MEGF11: variants seen among roughly 807,000 people sequenced by gnomAD.
The protein encoded by MEGF11 is multiple epidermal growth factor-like domains protein 11.
MEGF11 carries 126 observed loss-of-function variants against 146.6 expected under a neutral mutation model. The ratio of observed to expected loss-of-function variants is 0.86; its 90% CI spans 0.74 to 1.00. The LOEUF (loss-of-function observed/expected upper bound fraction) is 1.00. Among genes scored for constraint, MEGF11 ranks in the 50% least tolerant of loss-of-function variants. The pLI is 0.00. For synonymous variants in MEGF11, 532 were observed against 583.4 expected (o/e 0.91, Z 1.27); for missense variants, 1,509 against 1,521.2 (o/e 0.99, Z 0.13).
At chr15:66,090,571 T>C (rs1002052848) in intron 5 of MEGF11, among the ~76,000 whole-genome samples, 7 of 152,220 alleles carry the variant, frequency 4.6e-5, no homozygotes, top group African/African-American at 1.7e-4. Flanking sequence ...CATGGGGGCA[T>C]ATGTCACACA....
At chr15:66,139,574 G>T (rs1395607078) in intron 1 of MEGF11, among the ~76,000 whole-genome samples, 2 of 149,138 alleles carry the variant, frequency 1.3e-5, no homozygotes. Flanking sequence ...AAAGAAGGAT[G>T]AAATGAAACA....
intron 5 of MEGF11, among the ~76,000 whole-genome samples, chr15:66,059,998 C>T (rs1438273763): frequency 6.6e-6 from 1 of 151,770 alleles, no homozygotes; most frequent in Non-Finnish European, 1.5e-5. Context: ...AGGGACAGGT[C>T]AGGCAGTGGG....
intron 1 of MEGF11, among the ~76,000 whole-genome samples, chr15:66,154,045 C>T (rs961753432): frequency 2.0e-5 from 3 of 152,314 alleles, no homozygotes; most frequent in Admixed American, 6.5e-5. Context: ...AGCTGGGCTG[C>T]CACTAGCCCC....
chr15:66,206,485 A>G (rs1377864034), intron 1 of MEGF11, among the ~76,000 whole-genome samples: 1 of 152,264 alleles, frequency 6.6e-6, no homozygotes, highest in African/African-American at 2.4e-5. Context: ...TCTAAGATGC[A>G]TGATTATTAC....
chr15:66,161,473 C>G (rs2089950484), intron 1 of MEGF11, among the ~76,000 whole-genome samples: 1 of 152,084 alleles, frequency 6.6e-6, no homozygotes, highest in Non-Finnish European at 1.5e-5. Context: ...GCAGCCTCAA[C>G]CTCCCAGGTT....
At chr15:66,168,780 T>C (rs544899631) in intron 1 of MEGF11, among the ~76,000 whole-genome samples, 1 of 152,300 alleles carries the variant, frequency 6.6e-6, no homozygotes, top group Admixed American at 6.5e-5. Flanking sequence ...TTCAACATGG[T>C]GACCTGAGAT....
chr15:66,121,224 T>C (rs2088008497), intron 3 of MEGF11, among the ~76,000 whole-genome samples: 1 of 152,176 alleles, frequency 6.6e-6, no homozygotes, highest in South Asian at 2.1e-4. Context: ...CTGAGCAAAC[T>C]TGGCTCTCCC....
intron 1 of MEGF11, among the ~76,000 whole-genome samples, chr15:66,240,919 T>C (rs1160033615): frequency 2.6e-5 from 4 of 152,172 alleles, no homozygotes; most frequent in Non-Finnish European, 5.9e-5. Flanking sequence ...ATTAGATGTT[T>C]GAAAGGAAAA....
chr15:65,970,809 C>G, intron 7 of MEGF11, 120 bp from the exon 8 acceptor site: 3 of 1,184,480 alleles, frequency 2.5e-6, no homozygotes, highest in Non-Finnish European at 3.5e-6. Flanking sequence ...GTTCAGACAG[C>G]TGGACACCAG....
At chr15:66,001,633 C>A (rs946575477) in intron 5 of MEGF11, among the ~76,000 whole-genome samples, 4 of 152,040 alleles carry the variant, frequency 2.6e-5, no homozygotes, top group African/African-American at 7.2e-5. Flanking sequence ...TACTCTGCCC[C>A]ACCTTTCTTT....
chr15:66,172,341 C>T (rs1166970183), intron 1 of MEGF11, among the ~76,000 whole-genome samples: 2 of 152,222 alleles, frequency 1.3e-5, no homozygotes, highest in African/African-American at 4.8e-5. Context: ...GGGTATTGTC[C>T]ACTCACCCCT....
At chr15:65,914,110 A>G (rs534959536) in intron 19 of MEGF11, 137 bp from the exon 20 acceptor site, 21 of 656,398 alleles carry the variant, frequency 3.2e-5, no homozygotes, top group Middle Eastern at 4.1e-4. Context: ...CTGAGTCCCT[A>G]TGTGACTACC....
chr15:66,213,921 T>C (rs2091523406), intron 1 of MEGF11, among the ~76,000 whole-genome samples: 1 of 151,846 alleles, frequency 6.6e-6, no homozygotes, highest in Non-Finnish European at 1.5e-5. Context: ...GGCCCCAAGA[T>C]GGCTCCCAAA....
intron 5 of MEGF11, among the ~76,000 whole-genome samples, chr15:66,003,778 C>A (rs1487956932): frequency 6.6e-6 from 1 of 152,170 alleles, no homozygotes; most frequent in Non-Finnish European, 1.5e-5. Flanking sequence ...TCAGGCCCAG[C>A]CTTCCCACTG....
intron 15 of MEGF11, among the ~76,000 whole-genome samples, chr15:65,919,858 C>T (rs139245038): frequency 1.3e-4 from 20 of 152,342 alleles, no homozygotes; most frequent in East Asian, 7.7e-4. Context: ...GACCTCAAGC[C>T]TTGGCCTCCC....
In MEGF11 at chr15:66,146,011, C is replaced by T. The variant is rs142613617; in HGVS notation, c.-8-17600G>A. Among the ~76,000 whole-genome samples, 964 of 152,280 alleles carry T rather than the reference C, an allele frequency of 6.3e-3. 2 individuals are homozygous for T. Among genetic ancestry groups the T allele is most frequent in the Non-Finnish European group, 9.9e-3 (673 of 68,028 alleles). On this transcript the variant is annotated intron_variant, in intron 1 of 25. Transcript: ENST00000395614. Reference sequence around the variant, plus strand: ...TTTACACTGCTGCTTCCTTCAGTTTCCTTAAACCTCTCTTCACAGCCACCC... The same window carrying T: ...TTTACACTGCTGCTTCCTTCAGTTTTCTTAAACCTCTCTTCACAGCCACCC...
At chr15:65,929,454 A>G (rs2079493228) in intron 12 of MEGF11, among the ~76,000 whole-genome samples, 1 of 152,216 alleles carries the variant, frequency 6.6e-6, no homozygotes, top group South Asian at 2.1e-4. Flanking sequence ...GCCAGAGTCA[A>G]TAATGTTTAC....
At chr15:66,109,489 G>A (rs2087272187) in intron 4 of MEGF11, among the ~76,000 whole-genome samples, 1 of 152,184 alleles carries the variant, frequency 6.6e-6, no homozygotes, top group Non-Finnish European at 1.5e-5. Flanking sequence ...TCTACTAAAT[G>A]CTTTATTTGT....
chr15:66,112,075 T>TAAAA (rs10715805), intron 4 of MEGF11, among the ~76,000 whole-genome samples: 1 of 131,106 alleles, frequency 7.6e-6, no homozygotes, highest in Non-Finnish European at 1.6e-5. Flanking sequence ...GGCTAATAGT[T>TAAAA]AAAAAAAAAA....
Sources: allele counts gnomAD v4.1 joint callset (sites outside exome capture counted in the v4.1 genomes callset), GRCh38; gene constraint gnomAD v4.1.1; transcripts MANE v1.5; gene names NCBI Gene and HGNC (gene_info 2026-07-23, HGNC 2026-07-21).